The following ADRA1A variants were observed in gnomAD, a reference collection of about 807,000 sequenced individuals.
ADRA1A encodes the protein adrenoceptor alpha 1A, also known as alpha-1A adrenergic receptor.
Under a neutral mutation model 29.6 loss-of-function variants are expected in ADRA1A, and 31 were observed. The ratio of observed to expected loss-of-function variants is 1.05; its 90% CI spans 0.79 to 1.41. The LOEUF (loss-of-function observed/expected upper bound fraction) is 1.41, where lower values mean the gene tolerates loss of function less well. Ranked by LOEUF, ADRA1A falls within the 40% of genes most tolerant of loss-of-function variation. The pLI, the probability that ADRA1A is intolerant of heterozygous loss-of-function variation, is 0.00. For missense variants in ADRA1A, 619 were observed against 601.1 expected (o/e 1.03, Z -0.31); for synonymous variants, 311 against 254.3 (o/e 1.22, Z -2.12).
intron 2 of ADRA1A, among the ~76,000 whole-genome samples, chr8:26,807,993 A>G (rs1428881389): frequency 1.3e-5 from 2 of 152,130 alleles, no homozygotes; most frequent in East Asian, 1.9e-4. Context: ...TTCTGCACTT[A>G]TTTTTTCTAA....
intron 2 of ADRA1A, among the ~76,000 whole-genome samples, chr8:26,798,963 T>C (rs953377358): frequency 6.6e-6 from 1 of 152,190 alleles, no homozygotes; most frequent in Non-Finnish European, 1.5e-5. Context: ...TATTTTGCTT[T>C]ATTCCCATTT....
chr8:26,811,085 C>T (rs2130538017), intron 2 of ADRA1A, among the ~76,000 whole-genome samples: 2 of 152,290 alleles, frequency 1.3e-5, no homozygotes, highest in Middle Eastern at 6.8e-3. Flanking sequence ...ATAGATGAAC[C>T]TTGGGTGCAT....
downstream of ADRA1A, among the ~76,000 whole-genome samples, chr8:26,752,719 G>T (rs1310871109): frequency 6.6e-6 from 1 of 152,150 alleles, no homozygotes; most frequent in African/African-American, 2.4e-5. Context: ...GGAAAATAAT[G>T]ATCCCTCTTC....
At chr8:26,794,517 A>C (rs1365123120) in intron 2 of ADRA1A, among the ~76,000 whole-genome samples, 3 of 152,090 alleles carry the variant, frequency 2.0e-5, no homozygotes, top group Non-Finnish European at 4.4e-5. Context: ...CTTGAATGCA[A>C]CCATAGTCAT....
intron 2 of ADRA1A, among the ~76,000 whole-genome samples, chr8:26,863,795 T>G (rs1421496229): frequency 6.6e-6 from 1 of 152,176 alleles, no homozygotes; most frequent in African/African-American, 2.4e-5. Context: ...AACACGTGCT[T>G]ATAGGCATTA....
chr8:26,785,621 A>G (rs957127174), intron 2 of ADRA1A, among the ~76,000 whole-genome samples: 1 of 152,192 alleles, frequency 6.6e-6, no homozygotes, highest in Non-Finnish European at 1.5e-5. Context: ...CTCTAAAAAA[A>G]CATGAATACA....
intron 2 of ADRA1A, among the ~76,000 whole-genome samples, chr8:26,840,545 T>C (rs1009182749): frequency 2.0e-5 from 3 of 152,014 alleles, no homozygotes; most frequent in Non-Finnish European, 4.4e-5. Context: ...TTTGTACCAA[T>C]GCACTTCTTG....
At chr8:26,833,268 C>T (rs890068353) in intron 2 of ADRA1A, among the ~76,000 whole-genome samples, 1 of 152,128 alleles carries the variant, frequency 6.6e-6, no homozygotes, top group Non-Finnish European at 1.5e-5. Context: ...TTCCCTTGAC[C>T]TCGCCACATG....
At chr8:26,859,341 T>A (rs1382632855) in intron 2 of ADRA1A, 2 of 483,184 alleles carry the variant, frequency 4.1e-6, no homozygotes, top group African/African-American at 4.1e-5. Context: ...CTTCTTTAAG[T>A]CTCTGCTCTG....
At chr8:26,791,594 G>T (rs1281092256) in intron 2 of ADRA1A, among the ~76,000 whole-genome samples, 9 of 152,130 alleles carry the variant, frequency 5.9e-5, no homozygotes, top group African/African-American at 2.2e-4. Flanking sequence ...GGTTTTATCT[G>T]CATAGGAACT....
At chr8:26,790,187 C>T (rs1337468899) in intron 2 of ADRA1A, among the ~76,000 whole-genome samples, 3 of 151,798 alleles carry the variant, frequency 2.0e-5, no homozygotes, top group African/African-American at 7.3e-5. Context: ...TCACGATAGC[C>T]AATATATGGA....
intron 2 of ADRA1A, among the ~76,000 whole-genome samples, chr8:26,857,730 G>A (rs1341825587): frequency 6.6e-6 from 1 of 152,120 alleles, no homozygotes; most frequent in African/African-American, 2.4e-5. Context: ...TCTCTAAGAG[G>A]TGAACCTTTT....
chr8:26,847,293 G>T (rs192566055), intron 2 of ADRA1A, among the ~76,000 whole-genome samples: 1 of 151,850 alleles, frequency 6.6e-6, no homozygotes, highest in Non-Finnish European at 1.5e-5. Context: ...AAAGAAAAAC[G>T]TCTCCAGACC....
At chr8:26,867,352 A>T (rs887348526), upstream of ADRA1A, 7 of 985,048 alleles carry the variant, frequency 7.1e-6, no homozygotes, top group African/African-American at 1.2e-4. Context: ...ACAAGTGCGT[A>T]TACAGCTGTA....
chr8:26,829,038 G>A (rs1244321669), intron 2 of ADRA1A, among the ~76,000 whole-genome samples: 1 of 152,166 alleles, frequency 6.6e-6, no homozygotes, highest in East Asian at 1.9e-4. Flanking sequence ...GCTGGTGTGT[G>A]ATAATTTTGT....
At chr8:26,756,678 G>A (rs756882807) in exon 3 of ADRA1A, 28 of 1,612,278 alleles carry the variant, frequency 1.7e-5, no homozygotes, top group Non-Finnish European at 2.3e-5. Context: ...TCCAAAGACA[G>A]TGGGTCGCAG....
chr8:26,839,225 C>T (rs1811622034), intron 2 of ADRA1A, among the ~76,000 whole-genome samples: 1 of 143,828 alleles, frequency 7.0e-6, no homozygotes, highest in Non-Finnish European at 1.5e-5. Flanking sequence ...GTGGTGCAAT[C>T]TTGGCTCACT....
At chr8:26,756,529 A>G (rs772537459) in exon 3 of ADRA1A, 1 of 1,535,620 alleles carries the variant, frequency 6.5e-7, no homozygotes, top group Non-Finnish European at 8.7e-7. Flanking sequence ...TTCCCTTTGC[A>G]TTCATGATCA....
downstream of ADRA1A, among the ~76,000 whole-genome samples, chr8:26,752,359 A>G (rs1285205859): frequency 2.6e-5 from 4 of 152,186 alleles, no homozygotes; most frequent in Non-Finnish European, 5.9e-5. Context: ...ATCCCACCCT[A>G]ATCTTTTATT....
Sources: allele counts gnomAD v4.1 joint callset (sites outside exome capture counted in the v4.1 genomes callset), GRCh38; gene constraint gnomAD v4.1.1; transcripts MANE v1.5; gene names NCBI Gene and HGNC (gene_info 2026-07-23, HGNC 2026-07-21).